DSCAM: variants seen among roughly 807,000 people sequenced by gnomAD.
The protein encoded by DSCAM is DS cell adhesion molecule.
DSCAM carries 47 observed loss-of-function variants against 217.7 expected under a neutral mutation model. That is an observed-to-expected ratio of 0.22 (90% CI 0.17 to 0.28). The LOEUF (loss-of-function observed/expected upper bound fraction) is 0.28. DSCAM is among the 10% of genes least tolerant of loss of function. DSCAM has a pLI of 1.00. For synonymous variants in DSCAM, 1,056 were observed against 1,015.3 expected (o/e 1.04, Z -0.76); for missense variants, 2,080 against 2,618.3 (o/e 0.79, Z 4.49).
chr21:40,585,175 A>G (rs745657974), intron 3 of DSCAM, among the ~76,000 whole-genome samples: 12 of 68,538 alleles, frequency 1.8e-4, no homozygotes, highest in Non-Finnish European at 2.6e-4. Context: ...AGACAAATCA[A>G]CTTCTTTTTT....
At chr21:40,504,842 TTTA>T (rs1568859764) in intron 3 of DSCAM, among the ~76,000 whole-genome samples, 1 of 149,470 alleles carries the variant, frequency 6.7e-6, no homozygotes, top group African/African-American at 2.5e-5. Context: ...CATGCATTAC[TTTA>T]TTATCAGAAA....
intron 3 of DSCAM, among the ~76,000 whole-genome samples, chr21:40,402,305 G>C (rs1040599542): frequency 3.1e-4 from 43 of 138,046 alleles, no homozygotes; most frequent in African/African-American, 1.1e-3. Context: ...TCCTGACCTC[G>C]TGATCTGCCC....
At chr21:40,634,813 G>A (rs754173207) in intron 3 of DSCAM, among the ~76,000 whole-genome samples, 1 of 152,112 alleles carries the variant, frequency 6.6e-6, no homozygotes, top group African/African-American at 2.4e-5. Context: ...TTGCACCCAC[G>A]TCCACCTCTC....
chr21:40,452,121 C>T (rs1472397602), intron 3 of DSCAM, among the ~76,000 whole-genome samples: 1 of 151,922 alleles, frequency 6.6e-6, no homozygotes, highest in Non-Finnish European at 1.5e-5. Context: ...GAGAAAAATA[C>T]ATCCAATGAA....
intron 1 of DSCAM, among the ~76,000 whole-genome samples, chr21:40,811,945 A>G (rs182633570): frequency 6.5e-4 from 99 of 152,282 alleles, no homozygotes; most frequent in African/African-American, 2.3e-3. Context: ...ATGTTCTCCA[A>G]TTGAGGCATC....
At chr21:40,141,851 G>A (rs368858163) in intron 18 of DSCAM, among the ~76,000 whole-genome samples, 16 of 152,130 alleles carry the variant, frequency 1.1e-4, no homozygotes, top group African/African-American at 3.6e-4. Flanking sequence ...CGCAGCCTGA[G>A]GGCGAAGACA....
chr21:40,085,757 G>T lies in DSCAM; in HGVS notation c.3977C>A (p.Thr1326Lys), dbSNP rs1365730685. The change falls in exon 23 of 33, where the codon ACA becomes AAA. Residue 1326 changes from threonine (T) to lysine (K), a missense_variant. Physicochemically the swap from Thr to Lys is moderately conservative, Grantham distance 78. This residue lies in a region of DSCAM where 1,144 missense variants were observed against 1,421.1 expected (regional missense o/e 0.81). Transcript: ENST00000400454. ...AVKWMKDSNG[T>K]PSLVTIDGRR... ...CCCATCAATCGTTACTAGACTGGGT[G>T]TCCCGTTACTGCCTCACAGGAAGAA... 6.6e-7 allele frequency: 1 copy of T among 1,505,846 alleles called. No homozygotes were observed. The highest frequency in any genetic ancestry group is 9.0e-7 in the Non-Finnish European group (1 of 1,110,488). 93.3% of individuals were successfully genotyped at this position (1,505,846 alleles called of 1,614,324 possible).
At chr21:40,825,195 C>T (rs35213715) in intron 1 of DSCAM, among the ~76,000 whole-genome samples, 25,252 of 151,942 alleles carry the variant, frequency 0.17, 2,982 homozygotes, top group African/African-American at 0.33. Context: ...CTACAATGGG[C>T]AACACAAAAT....
At chr21:40,649,281 C>T (rs1381983611) in intron 3 of DSCAM, among the ~76,000 whole-genome samples, 1 of 152,162 alleles carries the variant, frequency 6.6e-6, no homozygotes, top group African/African-American at 2.4e-5. Flanking sequence ...GTTGGGTTGT[C>T]CCTGCCACCT....
intron 9 of DSCAM, among the ~76,000 whole-genome samples, chr21:40,311,633 CATT>C (rs999675389): frequency 2.0e-5 from 3 of 152,096 alleles, no homozygotes; most frequent in Admixed American, 6.5e-5. Context: ...CTAAAACAAA[CATT>C]ATGAAAAGCT....
chr21:40,189,304 A>G, intron 11 of DSCAM, 66 bp from the exon 12 acceptor site: 1 of 1,262,996 alleles, frequency 7.9e-7, no homozygotes, highest in East Asian at 2.5e-5. Context: ...CTGGCAAAAC[A>G]CTCAGGTAAA....
chr21:40,605,066 G>A (rs12482422), intron 3 of DSCAM, among the ~76,000 whole-genome samples: 46,947 of 152,100 alleles, frequency 0.31, 8,639 homozygotes, highest in Non-Finnish European at 0.38. Flanking sequence ...GCTCAGAACT[G>A]GAGGGGATTT....
intron 3 of DSCAM, among the ~76,000 whole-genome samples, chr21:40,409,538 T>C (rs538777568): frequency 6.6e-6 from 1 of 152,280 alleles, no homozygotes; most frequent in African/African-American, 2.4e-5. Flanking sequence ...GGTGGACAGA[T>C]CCTGAGTTTT....
chr21:40,723,330 C>T (rs966122180), intron 1 of DSCAM, among the ~76,000 whole-genome samples: 4 of 152,128 alleles, frequency 2.6e-5, no homozygotes, highest in African/African-American at 4.8e-5. Context: ...TGGAACACTT[C>T]ACCCTCCTTT....
intron 11 of DSCAM, among the ~76,000 whole-genome samples, chr21:40,225,001 G>A (rs1480236993): frequency 6.6e-6 from 1 of 152,178 alleles, no homozygotes; most frequent in Admixed American, 6.5e-5. Context: ...TTTTCAAGGA[G>A]GTACTGTGCA....
At chr21:40,301,634 T>G (rs2074017074) in intron 9 of DSCAM, among the ~76,000 whole-genome samples, 1 of 109,596 alleles carries the variant, frequency 9.1e-6, no homozygotes, top group East Asian at 4.5e-4. Context: ...TGTTTAACAG[T>G]CTGTGTCCCA....
chr21:40,033,711 C>A (rs1601249770), intron 32 of DSCAM, among the ~76,000 whole-genome samples: 1 of 150,836 alleles, frequency 6.6e-6, no homozygotes, highest in African/African-American at 2.5e-5. Flanking sequence ...TCTGTAGGCT[C>A]CACCTCTAGG....
At chr21:40,110,919 A>C (rs955488021) in intron 20 of DSCAM, among the ~76,000 whole-genome samples, 16 of 152,244 alleles carry the variant, frequency 1.1e-4, no homozygotes, top group African/African-American at 3.6e-4. Context: ...ACTATGTGAA[A>C]AGACCAAATC....
At chr21:40,799,172 C>T (rs1422588056) in intron 1 of DSCAM, among the ~76,000 whole-genome samples, 1 of 151,860 alleles carries the variant, frequency 6.6e-6, no homozygotes, top group East Asian at 1.9e-4. Context: ...TCAGTGATTC[C>T]CTTACCAAAA....
Sources: gnomAD v4.1 joint callset for allele counts (sites outside exome capture counted in the v4.1 genomes callset) on GRCh38, gnomAD v4.1.1 for gene constraint, gnomAD v4.1.1 regional missense constraint, MANE v1.5 for transcripts, NCBI Gene and HGNC (gene_info 2026-07-23, HGNC 2026-07-21) for gene names.